CAMKMT: variants seen among roughly 807,000 people sequenced by gnomAD.
CAMKMT encodes CaM KMT.
A neutral mutation model predicts 48.0 loss-of-function variants in CAMKMT; 53 were observed. That is an observed-to-expected ratio of 1.10 (90% CI 0.89 to 1.39). The LOEUF (loss-of-function observed/expected upper bound fraction) is 1.39, where lower values mean the gene tolerates loss of function less well. CAMKMT is among the 40% of genes most tolerant of loss of function. The pLI, the probability that CAMKMT is intolerant of heterozygous loss-of-function variation, is 0.00. For missense variants in CAMKMT, 428 were observed against 402.7 expected, an observed-to-expected ratio of 1.06 and a Z score of -0.54; for synonymous variants, 165 against 152.3, an observed-to-expected ratio of 1.08 and a Z score of -0.61.
At chr2:44,407,468 G>T (rs1244885295) in intron 3 of CAMKMT, among the ~76,000 whole-genome samples, 1 of 152,114 alleles carries the variant, frequency 6.6e-6, no homozygotes, top group Non-Finnish European at 1.5e-5. Context: ...GCATGAGTGG[G>T]TTTTCTCCCC....
intron 3 of CAMKMT, among the ~76,000 whole-genome samples, chr2:44,461,296 G>A (rs1346833587): frequency 4.6e-5 from 7 of 152,046 alleles, no homozygotes; most frequent in African/African-American, 1.7e-4. Flanking sequence ...TGTTTAATAT[G>A]TGCTGGCTCT....
intron 3 of CAMKMT, among the ~76,000 whole-genome samples, chr2:44,553,406 G>A (rs1321476270): frequency 6.6e-6 from 1 of 150,682 alleles, no homozygotes; most frequent in Non-Finnish European, 1.5e-5. Context: ...TGTCACCCAG[G>A]CTGGAGTGCA....
At chr2:44,686,046 CT>C (rs1676315086) in intron 3 of CAMKMT, among the ~76,000 whole-genome samples, 1 of 152,242 alleles carries the variant, frequency 6.6e-6, no homozygotes, top group Admixed American at 6.5e-5. Context: ...CAAATTATGA[CT>C]TTCTGACAGA....
chr2:44,372,359 C>G (rs1244826631), intron 1 of CAMKMT, among the ~76,000 whole-genome samples: 4 of 151,716 alleles, frequency 2.6e-5, no homozygotes, highest in Non-Finnish European at 5.9e-5. Flanking sequence ...GTGGTGCATA[C>G]TTTTAGTTCC....
At chr2:44,391,731 G>C (rs1201298557) in intron 3 of CAMKMT, among the ~76,000 whole-genome samples, 1 of 152,102 alleles carries the variant, frequency 6.6e-6, no homozygotes. Flanking sequence ...TTTCCTAAAG[G>C]CATCAATTAT....
intron 3 of CAMKMT, among the ~76,000 whole-genome samples, chr2:44,444,310 T>C (rs1248024950): frequency 6.6e-6 from 1 of 152,212 alleles, no homozygotes. Flanking sequence ...AATTGTCGGA[T>C]ATGTGAATGA....
At chr2:44,654,513 T>C (rs964525898) in intron 3 of CAMKMT, among the ~76,000 whole-genome samples, 38 of 152,162 alleles carry the variant, frequency 2.5e-4, no homozygotes, top group African/African-American at 8.9e-4. Flanking sequence ...AAACCATTTT[T>C]CGTTTTTGTT....
intron 3 of CAMKMT, among the ~76,000 whole-genome samples, chr2:44,571,636 T>C (rs2103736870): frequency 6.6e-6 from 1 of 152,274 alleles, no homozygotes; most frequent in East Asian, 1.9e-4. Flanking sequence ...ATTATGTACA[T>C]AGCATTGTTC....
chr2:44,489,509 G>A (rs2104706987), intron 3 of CAMKMT, among the ~76,000 whole-genome samples: 1 of 152,260 alleles, frequency 6.6e-6, no homozygotes, highest in East Asian at 1.9e-4. Context: ...GCCTCCCAAA[G>A]TGCCGGGATT....
Position 44,553,662 on chromosome 2 carries a change from C to T in CAMKMT, c.377-150621C>T, listed in dbSNP as rs572326074. On this transcript the variant is annotated intron_variant, in intron 3 of 10. Transcript: ENST00000378494. ...AGTTGTGAGACACCGTACTTGGCCACGTTTTTGTTGTTGTTGTTAGAAATG... is the reference window on the plus strand; with the variant it reads ...AGTTGTGAGACACCGTACTTGGCCATGTTTTTGTTGTTGTTGTTAGAAATG... Among the ~76,000 whole-genome samples, 34 of 152,212 alleles carry T rather than the reference C, an allele frequency of 2.2e-4. 2 individuals carry two copies. In the South Asian group the frequency reaches 5.0e-3, roughly 22 times the overall value.
At chr2:44,725,987 GC>G (rs1160371102) in intron 7 of CAMKMT, among the ~76,000 whole-genome samples, 1 of 152,090 alleles carries the variant, frequency 6.6e-6, no homozygotes, top group African/African-American at 2.4e-5. Context: ...TTTTAAAACT[GC>G]CCCCCACCTT....
intron 3 of CAMKMT, among the ~76,000 whole-genome samples, chr2:44,429,549 TG>T (rs1684508847): frequency 6.6e-6 from 1 of 152,044 alleles, no homozygotes; most frequent in Non-Finnish European, 1.5e-5. Flanking sequence ...GTTACTTTAA[TG>T]GGACCAAAAG....
intron 3 of CAMKMT, among the ~76,000 whole-genome samples, chr2:44,634,232 T>C (rs745889586): frequency 3.9e-5 from 6 of 151,992 alleles, no homozygotes; most frequent in Non-Finnish European, 8.8e-5. Flanking sequence ...TTCTCTGGTA[T>C]TGTGCCCTGA....
intron 3 of CAMKMT, among the ~76,000 whole-genome samples, chr2:44,505,930 C>T (rs369686253): frequency 7.2e-5 from 11 of 151,986 alleles, no homozygotes; most frequent in African/African-American, 1.7e-4. Context: ...TGCAGTGGCG[C>T]GATCTTGGCT....
At chr2:44,602,087 C>T (rs1266361634) in intron 3 of CAMKMT, among the ~76,000 whole-genome samples, 1 of 151,998 alleles carries the variant, frequency 6.6e-6, no homozygotes, top group Non-Finnish European at 1.5e-5. Context: ...TTCACTGCAA[C>T]CTCCACCTTT....
At position 44,570,072 on chromosome 2, in the gene CAMKMT, G is replaced by T. The variant is rs144771393; in HGVS notation, c.377-134211G>T. Among the ~76,000 whole-genome samples the T allele has an allele frequency of 3.2e-4, 49 of 152,066 alleles. No individual in the cohort carries two copies. The East Asian group carries it at 8.9e-3, about 28-fold the overall frequency. On this transcript the variant is annotated intron_variant, in intron 3 of 10. Coordinates refer to ENST00000378494, the MANE Select transcript of CAMKMT (RefSeq NM_024766.5). ...TGTAACTAGATTATCCCCATATCAGGTATTTCATAAAGCCAGGATAAATGT... is the reference window on the plus strand; with the variant it reads ...TGTAACTAGATTATCCCCATATCAGTTATTTCATAAAGCCAGGATAAATGT...
chr2:44,377,833 C>G (rs532613509), intron 2 of CAMKMT, among the ~76,000 whole-genome samples: 1 of 152,200 alleles, frequency 6.6e-6, no homozygotes, highest in African/African-American at 2.4e-5. Flanking sequence ...CGAGATCATA[C>G]CTTCCATTTC....
At chr2:44,462,875 G>A (rs1667920884) in intron 3 of CAMKMT, among the ~76,000 whole-genome samples, 1 of 152,000 alleles carries the variant, frequency 6.6e-6, no homozygotes, top group Admixed American at 6.6e-5. Context: ...TGTTCTGTAG[G>A]TTTTCCTGTA....
rs1326974683 is a variant in CAMKMT, at chr2:44,589,313, G to A, written c.377-114970G>A. 7.7e-5 allele frequency among the ~76,000 whole-genome samples: 4 copies of A among 51,796 alleles called. 1 individual carries two copies. The highest frequency in any genetic ancestry group is 2.2e-4 in the Admixed American group (1 of 4,506). 34.0% of individuals were successfully genotyped at this position (51,796 alleles called of 152,430 possible). A position where few individuals can be genotyped will look rare whatever the true frequency, so the allele number is the denominator to read the frequency against. ...CCGCCCCATCCGGGAGGTGAGGGGC[G>A]CTTCTGCCCGGCCGCCCCTACTGGG... On this transcript the variant is annotated intron_variant, in intron 3 of 10. Coordinates refer to ENST00000378494, the MANE Select transcript of CAMKMT (RefSeq NM_024766.5).
Sources: allele counts gnomAD v4.1 joint callset (sites outside exome capture counted in the v4.1 genomes callset), GRCh38; gene constraint gnomAD v4.1.1; transcripts MANE v1.5; gene names NCBI Gene and HGNC (gene_info 2026-07-23, HGNC 2026-07-21).